The following PCDHA8 variants were observed in gnomAD, a reference collection of about 807,000 sequenced individuals.
PCDHA8 encodes protocadherin alpha 8.
PCDHA8 carries 53 observed loss-of-function variants against 61.8 expected under a neutral mutation model. The ratio of observed to expected loss-of-function variants is 0.86; its 90% CI spans 0.69 to 1.08. PCDHA8 has a LOEUF of 1.08. Ranked by LOEUF, PCDHA8 falls within the 50% of genes least tolerant of loss-of-function variation. PCDHA8 has a pLI of 0.00. For synonymous variants in PCDHA8, 618 were observed against 556.6 expected, an observed-to-expected ratio of 1.11 and a Z score of -1.55; for missense variants, 1,293 against 1,245.0, an observed-to-expected ratio of 1.04 and a Z score of -0.58.
At chr5:140,937,568 G>T (rs1342447969) in intron 1 of PCDHA8, among the ~76,000 whole-genome samples, 1 of 151,920 alleles carries the variant, frequency 6.6e-6, no homozygotes, top group East Asian at 1.9e-4. Context: ...AGTGAGCTGG[G>T]ATCGCGTCAC....
At chr5:140,954,453 A>G (rs1489783264) in intron 1 of PCDHA8, among the ~76,000 whole-genome samples, 1 of 152,142 alleles carries the variant, frequency 6.6e-6, no homozygotes, top group East Asian at 1.9e-4. Flanking sequence ...ACTTGTTAAT[A>G]ATTGCCATTC....
Position 140,883,205 on chromosome 5 carries a change from A to G in PCDHA8, c.2394+39490A>G, listed in dbSNP as rs1402031440. 5 of 1,613,918 alleles carry G rather than the reference A, an allele frequency of 3.1e-6. No individual in the cohort carries two copies. In the African/African-American group the frequency reaches 6.7e-5, roughly 22 times the overall value. On this transcript the variant is annotated intron_variant, in intron 1 of 3. Transcript: ENST00000531613. Reference sequence around the variant, plus strand: ...AAAAGGCAAACTAGATTTCGAAGAAAAGAAATTATATGAAATATCCGTGGA... The same window carrying G: ...AAAAGGCAAACTAGATTTCGAAGAAGAGAAATTATATGAAATATCCGTGGA...
rs2150355439 is a variant in PCDHA8 at position 140,843,221 on chromosome 5, A to C, written c.1900A>C (p.Thr634Pro). 6.3e-7 allele frequency: 1 copy of C among 1,595,692 alleles called. No homozygotes were observed. Among genetic ancestry groups the C allele is most frequent in the Non-Finnish European group, 8.6e-7 (1 of 1,165,552 alleles). ...VGLYTGEISTTRVLDEADSPR... is the reference protein window; with the variant it reads ...VGLYTGEISTPRVLDEADSPR... ...GCTGTACACGGGCGAGATCAGCACC[A>C]CTCGTGTCCTGGACGAAGCGGACTC... The change falls in exon 1 of 4, where the codon ACT (threonine) becomes CCT (proline). Residue 634 changes from threonine to proline, a missense_variant. Coordinates refer to ENST00000531613, the MANE Select transcript of PCDHA8 (RefSeq NM_018911.3).
At chr5:140,848,429 G>T (rs1781516011) in intron 1 of PCDHA8, 1 of 1,456,608 alleles carries the variant, frequency 6.9e-7, no homozygotes, top group Admixed American at 1.9e-5. Flanking sequence ...TGGGACTGAC[G>T]AAATCAGATG....
rs568789486 is a variant in PCDHA8 at position 140,896,494 on chromosome 5, C to G, written c.2394+52779C>G. 6.6e-5 allele frequency among the ~76,000 whole-genome samples: 10 copies of G among 151,966 alleles called. No individual in the cohort carries two copies. In the East Asian group the frequency reaches 1.9e-3, roughly 29 times the overall value. On this transcript the variant is annotated intron_variant, in intron 1 of 3. Coordinates refer to ENST00000531613, the MANE Select transcript of PCDHA8 (RefSeq NM_018911.3). The stretch of plus-strand genomic sequence containing the variant: ...TCTCCTGCCTCAGCCTCCTGAGTAG[C>G]TGGGACTGTGCAGGCACACACCACA...
chr5:140,933,441 C>T (rs1197059199), intron 1 of PCDHA8, among the ~76,000 whole-genome samples: 1 of 151,990 alleles, frequency 6.6e-6, no homozygotes, highest in African/African-American at 2.4e-5. Flanking sequence ...ACTCTAATGA[C>T]ATACCTTCAA....
At chr5:140,928,350 T>A in intron 1 of PCDHA8, 1 of 1,614,098 alleles carries the variant, frequency 6.2e-7, no homozygotes, top group Non-Finnish European at 8.5e-7. Context: ...AGCTGTTGGA[T>A]GTTATCTCTG....
chr5:140,948,912 C>A (rs1038670333), intron 1 of PCDHA8, among the ~76,000 whole-genome samples: 1 of 150,924 alleles, frequency 6.6e-6, no homozygotes, highest in Non-Finnish European at 1.5e-5. Context: ...TCTTAGGTAA[C>A]TGATTAGGTA....
chr5:140,973,450 T>C (rs1326852534), intron 1 of PCDHA8, among the ~76,000 whole-genome samples: 1 of 152,250 alleles, frequency 6.6e-6, no homozygotes, highest in Non-Finnish European at 1.5e-5. Context: ...TTATAATGAC[T>C]GGGGCTGTTT....
At chr5:140,968,464 C>G (rs1554230763) in intron 1 of PCDHA8, 1 of 1,614,114 alleles carries the variant, frequency 6.2e-7, no homozygotes, top group Non-Finnish European at 8.5e-7. Flanking sequence ...TGACTGCCAA[C>G]GTATATGTGG....
At chr5:140,945,641 C>T (rs1253716354) in intron 1 of PCDHA8, among the ~76,000 whole-genome samples, 3 of 151,972 alleles carry the variant, frequency 2.0e-5, no homozygotes, top group Non-Finnish European at 2.9e-5. Context: ...GACATGTAGA[C>T]CAATGGAGCA....
chr5:140,962,389 G>A (rs551530521), intron 1 of PCDHA8, among the ~76,000 whole-genome samples: 3 of 152,170 alleles, frequency 2.0e-5, no homozygotes, highest in African/African-American at 4.8e-5. Context: ...TTAATATTAC[G>A]CAATCTGCCC....
At chr5:140,971,466 G>A (rs928383559) in intron 1 of PCDHA8, among the ~76,000 whole-genome samples, 2 of 152,144 alleles carry the variant, frequency 1.3e-5, no homozygotes, top group Non-Finnish European at 2.9e-5. Flanking sequence ...GCAGTTATAG[G>A]GAGAGAGTGT....
chr5:140,971,488 A>G (rs17119328), intron 1 of PCDHA8, among the ~76,000 whole-genome samples: 1 of 152,104 alleles, frequency 6.6e-6, no homozygotes, highest in African/African-American at 2.4e-5. Flanking sequence ...ACATTGTTAC[A>G]GTGTGGCAAG....
At chr5:140,892,588 T>C (rs751167275) in intron 1 of PCDHA8, among the ~76,000 whole-genome samples, 12 of 152,204 alleles carry the variant, frequency 7.9e-5, no homozygotes, top group Non-Finnish European at 1.8e-4. Flanking sequence ...TCAGTATTCA[T>C]TCACCTATTT....
chr5:140,969,339 A>AGTG (rs782647003), intron 1 of PCDHA8: 3 of 1,613,948 alleles, frequency 1.9e-6, no homozygotes, highest in African/African-American at 2.7e-5. Flanking sequence ...GAGGTGAGAC[A>AGTG]GTGGTCAGGG....
intron 1 of PCDHA8, chr5:140,926,823 G>C (rs1454618329): frequency 6.7e-7 from 1 of 1,496,998 alleles, no homozygotes; most frequent in Non-Finnish European, 8.9e-7. Context: ...TGCTCTCCAG[G>C]AGTCCGGAGC....
At position 140,857,333 on chromosome 5, in the gene PCDHA8, G is replaced by C. The variant is rs200210897; in HGVS notation, c.2394+13618G>C. On this transcript the variant is annotated intron_variant, in intron 1 of 3. Coordinates refer to ENST00000531613, the MANE Select transcript of PCDHA8 (RefSeq NM_018911.3). Reference sequence around the variant, plus strand: ...TGAGCTGGTGGTGACCGCGCGGGACGGGGGCTCGCCTCCGCTGTGGGCCAC... The same window carrying C: ...TGAGCTGGTGGTGACCGCGCGGGACCGGGGCTCGCCTCCGCTGTGGGCCAC... 1.4e-4 allele frequency: 230 copies of C among 1,598,472 alleles called. 32 individuals are homozygous for C. The highest frequency in any genetic ancestry group is 1.8e-4 in the Non-Finnish European group (207 of 1,167,970).
intron 1 of PCDHA8, chr5:140,851,535 G>T: frequency 1.1e-6 from 1 of 904,912 alleles, no homozygotes. Flanking sequence ...TGACAATGTA[G>T]ATAATTCAAG....
Sources: allele counts gnomAD v4.1 joint callset (sites outside exome capture counted in the v4.1 genomes callset), GRCh38; gene constraint gnomAD v4.1.1; transcripts MANE v1.5; gene names NCBI Gene and HGNC (gene_info 2026-07-23, HGNC 2026-07-21).